The following DPRX variants were observed in gnomAD, a reference collection of about 807,000 sequenced individuals.
DPRX encodes the protein divergent paired-related homeobox.
In DPRX, 11 loss-of-function variants were observed where a neutral mutation model predicts 8.4. That is an observed-to-expected ratio of 1.31 (90% CI 0.82 to 2.17). The LOEUF (loss-of-function observed/expected upper bound fraction) is 2.17, where lower values mean the gene tolerates loss of function less well. DPRX is among the 30% of genes most tolerant of loss of function. The pLI is 0.00. For synonymous variants in DPRX, 72 were observed against 87.0 expected (o/e 0.83, Z 0.96); for missense variants, 211 against 236.7 (o/e 0.89, Z 0.71).
chr19:53,620,628 G>A, the DPRX span, among the ~76,000 whole-genome samples: 1 of 152,126 alleles, frequency 6.6e-6, no homozygotes, highest in African/African-American at 2.4e-5. Context: ...GCCTCCCAAA[G>A]TGCTGGGATT....
At chr19:53,616,971 GC>G in the DPRX span, 1 of 1,197,104 alleles carries the variant, frequency 8.4e-7, no homozygotes, top group Non-Finnish European at 1.2e-6. Context: ...CGGTTGAACC[GC>G]CAGGTGTTGG....
upstream of DPRX, chr19:53,631,933 G>A: frequency 1.2e-6 from 1 of 808,460 alleles, no homozygotes; most frequent in Non-Finnish European, 2.0e-6. Context: ...AGTATTGGGA[G>A]AAATCCAGGG....
the DPRX span, among the ~76,000 whole-genome samples, chr19:53,609,351 G>C: frequency 0.61 from 92,107 of 150,768 alleles, 28,532 homozygotes; most frequent in Admixed American, 0.7. Context: ...GCCTATAATC[G>C]GAGCTACCCA....
the DPRX span, among the ~76,000 whole-genome samples, chr19:53,615,960 A>T: frequency 2.6e-5 from 4 of 152,032 alleles, no homozygotes; most frequent in South Asian, 2.1e-4. Context: ...ATTAAAAATT[A>T]AAAAAGGCGG....
the DPRX span, among the ~76,000 whole-genome samples, chr19:53,613,118 C>T: frequency 6.6e-6 from 1 of 152,086 alleles, no homozygotes; most frequent in East Asian, 1.9e-4. Context: ...TATGGCTAGC[C>T]TTGGGGGAGA....
At chr19:53,607,516 G>A in the DPRX span, among the ~76,000 whole-genome samples, 1 of 152,150 alleles carries the variant, frequency 6.6e-6, no homozygotes, top group East Asian at 1.9e-4. Flanking sequence ...CTGCACTCCA[G>A]CCTGAGGGAC....
rs2091114005 is a variant in DPRX, at chr19:53,636,708, T to C, written c.296T>C (p.Val99Ala). 4.3e-6 allele frequency: 7 copies of C among 1,614,098 alleles called. No homozygotes were observed. The East Asian group carries it at 1.6e-4, about 36-fold the overall frequency. The change falls in exon 3 of 3, where the codon GTC becomes GCC. Residue 99 changes from valine to alanine, a missense_variant. By Grantham distance (64) the Val-to-Ala change is moderately conservative. Transcript: ENST00000376650. ...CCAGAGGGTGGGGTCTCCACCAGTG[T>C]CGGCCTGAGAAATGCAGACACACTA...
At chr19:53,615,407 A>G in the DPRX span, among the ~76,000 whole-genome samples, 3 of 151,810 alleles carry the variant, frequency 2.0e-5, no homozygotes, top group Non-Finnish European at 4.4e-5. Context: ...CAGCCTCCTG[A>G]GTAGCTGGGA....
At chr19:53,618,096 CG>C in the DPRX span, among the ~76,000 whole-genome samples, 2 of 149,930 alleles carry the variant, frequency 1.3e-5, no homozygotes, top group Non-Finnish European at 3.0e-5. Context: ...GAGCCTAGAT[CG>C]CTGCCACTGC....
chr19:53,601,608 A>C, the DPRX span, among the ~76,000 whole-genome samples: 15 of 151,218 alleles, frequency 9.9e-5, no homozygotes, highest in Admixed American at 4.0e-4. Flanking sequence ...CAGCCTCCTG[A>C]GTAGCTGGGA....
At chr19:53,602,082 G>A in the DPRX span, 55 of 456,576 alleles carry the variant, frequency 1.2e-4, no homozygotes, top group Admixed American at 2.6e-4. Flanking sequence ...CAACACAGCC[G>A]CTGCGATGTA....
chr19:53,625,792 C>T, the DPRX span, among the ~76,000 whole-genome samples: 8 of 151,862 alleles, frequency 5.3e-5, no homozygotes, highest in South Asian at 4.2e-4. Context: ...TGTGTGTCAC[C>T]GCACCCGGCT....
the DPRX span, among the ~76,000 whole-genome samples, chr19:53,619,369 T>A: frequency 4.0e-5 from 6 of 151,872 alleles, no homozygotes; most frequent in Non-Finnish European, 7.4e-5. Context: ...TGAAACTCTG[T>A]CTCTACTAAA....
chr19:53,609,340 C>T, the DPRX span, among the ~76,000 whole-genome samples: 32 of 151,100 alleles, frequency 2.1e-4, no homozygotes, highest in African/African-American at 6.8e-4. Flanking sequence ...TGGTGGCAGG[C>T]GCCTATAATC....
upstream of DPRX, among the ~76,000 whole-genome samples, chr19:53,630,227 A>T (rs2091087414): frequency 6.6e-6 from 1 of 151,332 alleles, no homozygotes; most frequent in South Asian, 2.1e-4. Flanking sequence ...AAAAAAAAAA[A>T]AACTTTCATG....
chr19:53,626,969 T>C, the DPRX span, among the ~76,000 whole-genome samples: 1 of 152,106 alleles, frequency 6.6e-6, no homozygotes, highest in African/African-American at 2.4e-5. Context: ...CCCAAAGTGC[T>C]GGGGTTGACT....
At chr19:53,623,350 C>A in the DPRX span, among the ~76,000 whole-genome samples, 62 of 111,688 alleles carry the variant, frequency 5.6e-4, no homozygotes, top group African/African-American at 1.5e-3. Flanking sequence ...AATAAAAGGC[C>A]ATTCCTGGCT....
At chr19:53,601,331 G>A in the DPRX span, 1 of 456,612 alleles carries the variant, frequency 2.2e-6, no homozygotes, top group South Asian at 1.5e-5. Context: ...AGGTAAACAT[G>A]TGCAGAGATG....
chr19:53,630,064 T>C (rs2091086433), upstream of DPRX: 1 of 150,056 alleles, frequency 6.7e-6, no homozygotes. Flanking sequence ...AAAAAAAAAA[T>C]TAGCTGGGCA....
Sources: allele counts gnomAD v4.1 joint callset (sites outside exome capture counted in the v4.1 genomes callset), GRCh38; gene constraint gnomAD v4.1.1; transcripts MANE v1.5; gene names NCBI Gene and HGNC (gene_info 2026-07-23, HGNC 2026-07-21).